Variants in EDN1 observed in about 807,000 individuals in gnomAD.
EDN1 encodes the protein endothelin 1.
In EDN1, 11 loss-of-function variants were observed where a neutral mutation model predicts 21.7. The observed-to-expected ratio is 0.51, with a 90% confidence interval of 0.32 to 0.84. The LOEUF (loss-of-function observed/expected upper bound fraction) is 0.84. EDN1 is among the 40% of genes least tolerant of loss of function. The pLI is 0.03. For synonymous variants in EDN1, 85 were observed against 90.6 expected, an observed-to-expected ratio of 0.94 and a Z score of 0.35; for missense variants, 244 against 262.3, an observed-to-expected ratio of 0.93 and a Z score of 0.48.
chr6:12,267,605 A>G, the EDN1 span, among the ~76,000 whole-genome samples: 1 of 152,202 alleles, frequency 6.6e-6, no homozygotes, highest in East Asian at 1.9e-4. Flanking sequence ...CATGAGGTTT[A>G]AGGAAAGAAG....
the EDN1 span, among the ~76,000 whole-genome samples, chr6:12,277,939 G>A: frequency 1.3e-5 from 2 of 152,240 alleles, no homozygotes; most frequent in South Asian, 2.1e-4. Flanking sequence ...GGACAAGCCT[G>A]TGGTTTTTAT....
At chr6:12,294,576 C>A (rs1039723517) in intron 4 of EDN1, among the ~76,000 whole-genome samples, 172 bp downstream of exon 4, 2 of 152,150 alleles carry the variant, frequency 1.3e-5, no homozygotes, top group Admixed American at 1.3e-4. Flanking sequence ...GCAAAAGAAT[C>A]CCTCTTAAAT....
chr6:12,296,056 G>A lies in EDN1; in HGVS notation c.628G>A (p.Ala210Thr). 1 of 1,613,990 alleles carries A rather than the reference G, an allele frequency of 6.2e-7. No homozygotes were observed. The highest frequency in any genetic ancestry group is 8.5e-7 in the Non-Finnish European group (1 of 1,179,924). ...SRERYVTHNR[A>T]HW is the part of the protein sequence containing the mutation. ...AGAGCGTTATGTGACCCACAACCGA[G>A]CACATTGGTGACAGACCTTCGGGGC... is the stretch of plus-strand genomic sequence containing the variant. Residue 210 changes from alanine (A) to threonine (T), a missense_variant, in exon 5 of 5, where the codon GCA becomes ACA. By Grantham distance (58) the Ala-to-Thr change is moderately conservative (BLOSUM62 0). Transcript: ENST00000379375.
At chr6:12,285,392 T>G (rs1762547377), upstream of EDN1, among the ~76,000 whole-genome samples, 1 of 152,052 alleles carries the variant, frequency 6.6e-6, no homozygotes, top group African/African-American at 2.4e-5. Context: ...TGTAGGAGCA[T>G]TTTTGTGTGG....
the EDN1 span, among the ~76,000 whole-genome samples, chr6:12,257,605 G>A: frequency 6.6e-6 from 1 of 152,152 alleles, no homozygotes; most frequent in Non-Finnish European, 1.5e-5. Context: ...AGTGATTTAG[G>A]AATTGTAAAT....
chr6:12,233,283 C>G, the EDN1 span, among the ~76,000 whole-genome samples: 248 of 152,338 alleles, frequency 1.6e-3, no homozygotes, highest in African/African-American at 5.5e-3. Context: ...CTAAATCCCT[C>G]TTAGCATCCC....
the EDN1 span, among the ~76,000 whole-genome samples, chr6:12,272,572 C>T: frequency 7.3e-5 from 11 of 151,454 alleles, no homozygotes; most frequent in South Asian, 2.1e-3. Context: ...ATTCTCCTAC[C>T]TCAGCCTCCG....
chr6:12,285,493 T>C (rs1176200374), upstream of EDN1, among the ~76,000 whole-genome samples: 1 of 151,988 alleles, frequency 6.6e-6, no homozygotes, highest in Non-Finnish European at 1.5e-5. Context: ...GATATTGCAG[T>C]TGATGGAACT....
At chr6:12,294,920 CTTTTTTT>C (rs61701314) in intron 4 of EDN1, among the ~76,000 whole-genome samples, 3 of 107,622 alleles carry the variant, frequency 2.8e-5, no homozygotes, top group Non-Finnish European at 3.6e-5. Flanking sequence ...GGTTTATGGT[CTTTTTTT>C]TTTTTTTTTT....
chr6:12,254,108 A>ACCTT, the EDN1 span, among the ~76,000 whole-genome samples: 1 of 152,100 alleles, frequency 6.6e-6, no homozygotes, highest in African/African-American at 2.4e-5. Flanking sequence ...TGTGTAAAAC[A>ACCTT]CCTTTGGCAT....
chr6:12,287,712 T>TCACACACA (rs66467626), upstream of EDN1, among the ~76,000 whole-genome samples: 399 of 103,048 alleles, frequency 3.9e-3, no homozygotes, highest in Admixed American at 5.7e-3. Context: ...TCTCTCTCTC[T>TCACACACA]CACACACACA....
the EDN1 span, among the ~76,000 whole-genome samples, chr6:12,271,248 TTCTGTCTCTTTCTTCC>T: frequency 1.3e-5 from 2 of 152,158 alleles, no homozygotes; most frequent in Non-Finnish European, 2.9e-5. Flanking sequence ...TTTGTTTATC[TTCTGTCTCTTTCTTCC>T]TCTCTTATGG....
chr6:12,269,578 A>T, the EDN1 span, among the ~76,000 whole-genome samples: 10 of 152,044 alleles, frequency 6.6e-5, no homozygotes, highest in Non-Finnish European at 1.0e-4. Flanking sequence ...TGAAATGATT[A>T]TATGGTTTTT....
chr6:12,296,184 G>T lies in EDN1; in HGVS notation c.*117G>T. 2 of 924,356 alleles carry T rather than the reference G, an allele frequency of 2.2e-6. No individual in the cohort carries two copies. The highest frequency in any genetic ancestry group is 1.3e-5 in the South Asian group (1 of 76,518). 57.3% of individuals were successfully genotyped at this position (924,356 alleles called of 1,614,324 possible). On this transcript the variant is annotated 3_prime_UTR_variant, in exon 5 of 5. Transcript: ENST00000379375. ...AGCATCCTCTGCTGGTTCCTGACTG[G>T]CAAAGGACCAGCGTCCTCGTTCAAA...
the EDN1 span, among the ~76,000 whole-genome samples, chr6:12,264,751 C>T: frequency 3.3e-5 from 5 of 152,082 alleles, no homozygotes; most frequent in African/African-American, 4.8e-5. Context: ...AGACAGAAGG[C>T]GTGGCATGAA....
chr6:12,284,704 GAAGA>G, the EDN1 span, among the ~76,000 whole-genome samples: 6 of 129,968 alleles, frequency 4.6e-5, no homozygotes, highest in East Asian at 2.2e-4. Flanking sequence ...GAAAGGAAAG[GAAGA>G]AAGAAAGAAG....
chr6:12,242,883 G>T, the EDN1 span, among the ~76,000 whole-genome samples: 1 of 152,108 alleles, frequency 6.6e-6, no homozygotes, highest in Admixed American at 6.6e-5. Context: ...CTGGGTTCAG[G>T]TCTCTGTGAT....
At chr6:12,237,018 C>A in the EDN1 span, among the ~76,000 whole-genome samples, 1 of 145,300 alleles carries the variant, frequency 6.9e-6, no homozygotes, top group African/African-American at 2.6e-5. Flanking sequence ...ATGTTCCCCA[C>A]CCTGTGTCCA....
upstream of EDN1, among the ~76,000 whole-genome samples, chr6:12,288,958 T>A (rs1800784): frequency 0.041 from 6,235 of 152,248 alleles, 129 homozygotes; most frequent in Middle Eastern, 0.058. Flanking sequence ...ATTTATCCCA[T>A]AGGTCTTACT....
Sources: gnomAD v4.1 joint callset for allele counts (sites outside exome capture counted in the v4.1 genomes callset) on GRCh38, gnomAD v4.1.1 for gene constraint, MANE v1.5 for transcripts, NCBI Gene and HGNC (gene_info 2026-07-23, HGNC 2026-07-21) for gene names.